Variants in CFAP52 observed in about 807,000 individuals in gnomAD.
The protein encoded by CFAP52 is cilia- and flagella-associated protein 52.
CFAP52 carries 57 observed loss-of-function variants against 70.5 expected under a neutral mutation model. That is an observed-to-expected ratio of 0.81 (90% CI 0.65 to 1.01). The LOEUF (loss-of-function observed/expected upper bound fraction) is 1.01. Ranked by LOEUF, CFAP52 falls within the 50% of genes least tolerant of loss-of-function variation. The probability of loss-of-function intolerance (pLI) is 0.00; values close to 1 mark genes in which losing one functional copy is unlikely to be tolerated. For missense variants in CFAP52, 785 were observed against 788.5 expected, an observed-to-expected ratio of 1.00 and a Z score of 0.05; for synonymous variants, 267 against 292.5, an observed-to-expected ratio of 0.91 and a Z score of 0.89.
At chr17:9,629,343 T>C (rs1910358588) in intron 9 of CFAP52, among the ~76,000 whole-genome samples, 1 of 152,180 alleles carries the variant, frequency 6.6e-6, no homozygotes, top group Non-Finnish European at 1.5e-5. Context: ...GCTAAATCTA[T>C]CTGTAAGTCT....
rs140225455 is a variant in CFAP52 at position 9,623,086 on chromosome 17, T to G, written c.1026-5586T>G. ...AATGAATGTAGAGTTCCACCTTTAT[T>G]TCTCACAGTTTTTGTTTTGCATATC... On this transcript the variant is annotated intron_variant, in intron 8 of 13. Coordinates refer to ENST00000352665, the MANE Select transcript of CFAP52 (RefSeq NM_145054.5). Among the ~76,000 whole-genome samples, 101 of 152,320 alleles carry G rather than the reference T, an allele frequency of 6.6e-4. No individual in the cohort carries two copies. The East Asian group carries it at 0.019, about 28-fold the overall frequency.
intron 12 of CFAP52, chr17:9,639,033 T>G (rs1250902648): frequency 3.6e-6 from 1 of 278,386 alleles, no homozygotes; most frequent in Admixed American, 4.7e-5. Flanking sequence ...GAGACTGGAG[T>G]AGAATTGCTG....
intron 3 of CFAP52, chr17:9,590,134 G>A (rs1211471149): frequency 2.0e-5 from 4 of 201,354 alleles, no homozygotes; most frequent in East Asian, 1.2e-4. Context: ...GCTGTGATAC[G>A]TGTGGTGATC....
rs769469875 is a variant in CFAP52 at position 9,586,813 on chromosome 17, T to C, written c.386T>C (p.Leu129Pro). The change falls in exon 3 of 14, where the codon CTA becomes CCA. Residue 129 changes from leucine to proline, a missense_variant. Transcript: ENST00000352665. ...FSPNDLYLVS[L>P]GGPDDGSVVV... Reference sequence around the variant, plus strand: ...CCAAATGATTTGTACTTGGTATCACTAGGAGGCCCAGATGACGGAAGGTAA... The same window carrying C: ...CCAAATGATTTGTACTTGGTATCACCAGGAGGCCCAGATGACGGAAGGTAA... 1 of 1,608,384 alleles carries C rather than the reference T, an allele frequency of 6.2e-7. No individual in the cohort carries two copies.
intron 6 of CFAP52, among the ~76,000 whole-genome samples, chr17:9,600,621 G>A (rs922016): frequency 0.21 from 32,442 of 151,990 alleles, 3,706 homozygotes; most frequent in East Asian, 0.44. Context: ...CTGGCGTGCA[G>A]TGGCGAGATG....
intron 8 of CFAP52, among the ~76,000 whole-genome samples, chr17:9,621,912 C>A (rs889178688): frequency 2.7e-5 from 4 of 148,712 alleles, no homozygotes; most frequent in East Asian, 2.0e-4. Flanking sequence ...CTAGATGACA[C>A]GTTAGTGGGT....
rs534129407 is a variant in CFAP52 at position 9,600,165 on chromosome 17, G to A, written c.735G>A (p.Ala245=). The change falls in exon 6 of 14, where the codon GCG becomes GCA. Residue 245 remains alanine, a synonymous_variant. Transcript: ENST00000352665. The part of the protein sequence containing the change: ...RTKLLTDVGP[A]KDKFSLGVSA... ...AACTGCTGACAGATGTTGGGCCTGC[G>A]AAGGACAAATTCAGTTTGGTGAGTA... 5.6e-6 allele frequency: 9 copies of A among 1,613,926 alleles called. No individual in the cohort carries two copies. The highest frequency in any genetic ancestry group is 3.3e-5 in the South Asian group (3 of 91,066).
downstream of CFAP52, among the ~76,000 whole-genome samples, chr17:9,644,213 C>T (rs1911218070): frequency 6.6e-6 from 1 of 152,176 alleles, no homozygotes; most frequent in Non-Finnish European, 1.5e-5. Context: ...TCAAGCGATT[C>T]TCCTGCCTCA....
At chr17:9,597,713 G>T (rs1909074555) in intron 4 of CFAP52, 1 of 152,942 alleles carries the variant, frequency 6.5e-6, no homozygotes, top group Non-Finnish European at 1.5e-5. Flanking sequence ...TGAGGCAGGA[G>T]AATGGCTTGA....
chr17:9,631,082 G>GAAAGAAAGAAAGAA (rs56818169), intron 9 of CFAP52, among the ~76,000 whole-genome samples: 1,015 of 48,366 alleles, frequency 0.021, 42 homozygotes, highest in African/African-American at 0.026. Flanking sequence ...AAGAAAGAAA[G>GAAAGAAAGAAAGAA]AGAAAGAAAG....
intron 8 of CFAP52, among the ~76,000 whole-genome samples, chr17:9,615,347 T>C (rs1038419464): frequency 3.3e-5 from 5 of 152,228 alleles, no homozygotes; most frequent in African/African-American, 7.2e-5. Context: ...GAGACGTGCA[T>C]TGCAGCAAAA....
At position 9,632,977 on chromosome 17, in the gene CFAP52, G is replaced by A. The variant is rs770451010; in HGVS notation, c.1264G>A (p.Ala422Thr). The A allele has an allele frequency of 1.5e-5, 25 of 1,614,074 alleles. No individual in the cohort carries two copies. The highest frequency in any genetic ancestry group is 5.5e-5 in the South Asian group (5 of 91,078). ...CAATGCTCACAGGATCGGCGTCACCGCCATCGCCACCACCAGTGACTGTAA... is the reference window on the plus strand; with the variant it reads ...CAATGCTCACAGGATCGGCGTCACCACCATCGCCACCACCAGTGACTGTAA... ...INNAHRIGVTAIATTSDCKRV... is the reference protein window; with the variant it reads ...INNAHRIGVTTIATTSDCKRV... The change falls in exon 10 of 14, where the codon GCC becomes ACC. Residue 422 changes from alanine to threonine, a missense_variant. By Grantham distance (58) the Ala-to-Thr change is moderately conservative (BLOSUM62 0). Coordinates refer to ENST00000352665, the MANE Select transcript of CFAP52 (RefSeq NM_145054.5).
rs777531946 is a variant in CFAP52, at chr17:9,598,317, T to C, written c.620T>C (p.Ile207Thr). The C allele has an allele frequency of 6.2e-7, 1 of 1,611,364 alleles. No individual in the cohort carries two copies. The highest frequency in any genetic ancestry group is 8.5e-7 in the Non-Finnish European group (1 of 1,179,246). Reference sequence around the variant, plus strand: ...TGCCAAACAGGACAGTTGAAAAGAATAGTCATGAGTATTGGAGTAAGTATT... The same window carrying C: ...TGCCAAACAGGACAGTTGAAAAGAACAGTCATGAGTATTGGAGTAAGTATT... The part of the protein sequence containing the change: ...TECQTGQLKR[I>T]VMSIGVDDDD... Residue 207 changes from isoleucine (I) to threonine (T), a missense_variant, in exon 5 of 14, where the codon ATA (isoleucine) becomes ACA (threonine). Transcript: ENST00000352665.
At chr17:9,600,398 C>T (rs1044612599) in intron 6 of CFAP52, among the ~76,000 whole-genome samples, 9 of 152,026 alleles carry the variant, frequency 5.9e-5, no homozygotes, top group African/African-American at 2.2e-4. Context: ...TGCCCCACCA[C>T]ACCCGACTAA....
At chr17:9,608,447 C>T (rs1372932832) in intron 7 of CFAP52, among the ~76,000 whole-genome samples, 1 of 152,192 alleles carries the variant, frequency 6.6e-6, no homozygotes, top group Non-Finnish European at 1.5e-5. Context: ...CCCAGAGGGA[C>T]ACTGCCCATT....
At chr17:9,600,624 G>A (rs1909225953) in intron 6 of CFAP52, among the ~76,000 whole-genome samples, 1 of 151,968 alleles carries the variant, frequency 6.6e-6, no homozygotes, top group Non-Finnish European at 1.5e-5. Context: ...GCGTGCAGTG[G>A]CGAGATGTCG....
intron 2 of CFAP52, 32 bp from the exon 3 acceptor site, chr17:9,586,666 C>T: frequency 6.3e-7 from 1 of 1,582,976 alleles, no homozygotes; most frequent in African/African-American, 1.4e-5. Context: ...TTAATGCCTC[C>T]CTATGATCTG....
At position 9,612,800 on chromosome 17, in the gene CFAP52, AT is replaced by A. The variant is rs372497486; in HGVS notation, c.1025+329del. On this transcript the variant is annotated intron_variant, in intron 8 of 13. Coordinates refer to ENST00000352665, the MANE Select transcript of CFAP52 (RefSeq NM_145054.5). ...TAGTACAGACAGTCCCTGACTTATG[AT>A]TTTTTTTATTTTATGATGGTGTAAA... Among the ~76,000 whole-genome samples the A allele has an allele frequency of 4.3e-3, 540 of 126,898 alleles. 5 individuals carry two copies. Among genetic ancestry groups the A allele is most frequent in the African/African-American group, 0.019 (491 of 26,498 alleles). The allele number at this position is 126,898 out of a possible 152,430, so 83.3% of individuals were successfully genotyped here.
intron 1 of CFAP52, among the ~76,000 whole-genome samples, chr17:9,583,938 G>A (rs1334271974): frequency 2.0e-5 from 3 of 152,224 alleles, no homozygotes; most frequent in Non-Finnish European, 4.4e-5. Flanking sequence ...TATTGGAGAA[G>A]CCAGCAACCC....
Sources: gnomAD v4.1 joint callset for allele counts (sites outside exome capture counted in the v4.1 genomes callset) on GRCh38, gnomAD v4.1.1 for gene constraint, MANE v1.5 for transcripts, NCBI Gene and HGNC (gene_info 2026-07-23, HGNC 2026-07-21) for gene names.